Variants in MAF observed in about 807,000 individuals in gnomAD.
MAF encodes the protein transcription factor Maf.
In MAF, 10 loss-of-function variants were observed where a neutral mutation model predicts 22.0. The observed-to-expected ratio is 0.45, with a 90% CI of 0.28 to 0.77. MAF has a LOEUF of 0.77. Ranked by LOEUF, MAF falls within the 30% of genes least tolerant of loss-of-function variation. The pLI is 0.12. For missense variants in MAF, 544 were observed against 548.4 expected (o/e 0.99, Z 0.08); for synonymous variants, 337 against 255.8 (o/e 1.32, Z -3.03).
At chr16:79,340,444 T>A in the MAF span, among the ~76,000 whole-genome samples, 2 of 150,894 alleles carry the variant, frequency 1.3e-5, no homozygotes, top group African/African-American at 2.4e-5. Flanking sequence ...TCCCAGTGCC[T>A]GGCACTGGGA....
the MAF span, among the ~76,000 whole-genome samples, chr16:79,432,604 C>G: frequency 6.6e-6 from 1 of 152,088 alleles, no homozygotes; most frequent in African/African-American, 2.4e-5. Context: ...AAGGGGGGAA[C>G]ATTGTATTTC....
At chr16:79,332,020 A>C in the MAF span, among the ~76,000 whole-genome samples, 18 of 152,348 alleles carry the variant, frequency 1.2e-4, no homozygotes, top group South Asian at 3.7e-3. Context: ...TGACTTTAGA[A>C]CATCTGCTCT....
the MAF span, among the ~76,000 whole-genome samples, chr16:79,322,120 T>G: frequency 2.6e-5 from 4 of 152,158 alleles, no homozygotes; most frequent in Non-Finnish European, 5.9e-5. Flanking sequence ...TAATCCCAGC[T>G]ACTCAGGAGG....
the MAF span, among the ~76,000 whole-genome samples, chr16:79,511,385 C>G: frequency 0.021 from 3,164 of 152,188 alleles, 95 homozygotes; most frequent in African/African-American, 0.071. Context: ...GAATGGTTTA[C>G]TTATATGAGA....
chr16:79,229,692 G>C, the MAF span, among the ~76,000 whole-genome samples: 2 of 151,066 alleles, frequency 1.3e-5, no homozygotes, highest in African/African-American at 4.8e-5. Flanking sequence ...CACGGGGCTG[G>C]CTCCTCGTTG....
chr16:79,568,476 T>C, the MAF span, among the ~76,000 whole-genome samples: 1 of 152,160 alleles, frequency 6.6e-6, no homozygotes, highest in Non-Finnish European at 1.5e-5. Context: ...AGTCTGAAGG[T>C]CTTTTATCTT....
At chr16:79,319,896 G>T in the MAF span, among the ~76,000 whole-genome samples, 10 of 152,338 alleles carry the variant, frequency 6.6e-5, no homozygotes, top group East Asian at 1.5e-3. Flanking sequence ...GTTTGATCAG[G>T]ATGGTTGGAG....
chr16:79,353,873 C>A, the MAF span, among the ~76,000 whole-genome samples: 5 of 152,162 alleles, frequency 3.3e-5, no homozygotes, highest in Non-Finnish European at 7.3e-5. Context: ...ACCTAAAGCC[C>A]TCCTTCAGTG....
chr16:79,586,912 A>T (rs1053778292), intron 1 of MAF, among the ~76,000 whole-genome samples: 2 of 152,378 alleles, frequency 1.3e-5, no homozygotes, highest in East Asian at 1.9e-4. Context: ...TCTTTTTCCA[A>T]CATGGATATT....
chr16:79,401,589 A>G, the MAF span, among the ~76,000 whole-genome samples: 4 of 152,182 alleles, frequency 2.6e-5, no homozygotes, highest in African/African-American at 9.7e-5. Context: ...ATTAGTGGAA[A>G]TGTACTCATG....
the MAF span, among the ~76,000 whole-genome samples, chr16:79,242,913 A>G: frequency 6.6e-6 from 1 of 152,096 alleles, no homozygotes; most frequent in Admixed American, 6.6e-5. Flanking sequence ...AAACCACACA[A>G]CTACATGGAA....
the MAF span, among the ~76,000 whole-genome samples, chr16:79,395,947 G>GC: frequency 1.3e-5 from 2 of 151,936 alleles, no homozygotes; most frequent in East Asian, 1.9e-4. Flanking sequence ...GTGGCAAATG[G>GC]CCCCCCCGGT....
chr16:79,221,655 G>C, the MAF span, among the ~76,000 whole-genome samples: 1 of 152,156 alleles, frequency 6.6e-6, no homozygotes, highest in Non-Finnish European at 1.5e-5. Flanking sequence ...CATCTGGACA[G>C]CTGATAAGAG....
chr16:79,551,791 A>G, the MAF span, among the ~76,000 whole-genome samples: 1 of 152,196 alleles, frequency 6.6e-6, no homozygotes, highest in Non-Finnish European at 1.5e-5. Flanking sequence ...TCTATCATCC[A>G]CGGATGCTTC....
chr16:79,309,057 T>C, the MAF span, among the ~76,000 whole-genome samples: 3 of 152,150 alleles, frequency 2.0e-5, no homozygotes, highest in African/African-American at 7.2e-5. Context: ...GGCTCTAATC[T>C]GGCCCTGGGC....
chr16:79,333,639 G>T, the MAF span, among the ~76,000 whole-genome samples: 4 of 152,212 alleles, frequency 2.6e-5, no homozygotes, highest in Non-Finnish European at 5.9e-5. Context: ...TATGCGTAAT[G>T]ATGAGAATAA....
the MAF span, among the ~76,000 whole-genome samples, chr16:79,566,213 C>T: frequency 6.6e-6 from 1 of 152,166 alleles, no homozygotes. Context: ...ATTGCCAACA[C>T]TCTGCCATTA....
At chr16:79,281,070 G>C in the MAF span, among the ~76,000 whole-genome samples, 8 of 152,160 alleles carry the variant, frequency 5.3e-5, no homozygotes, top group Non-Finnish European at 1.0e-4. Context: ...AAAAAGAGCA[G>C]AGAGGAAGAG....
chr16:79,374,658 G>C, the MAF span, among the ~76,000 whole-genome samples: 1 of 152,230 alleles, frequency 6.6e-6, no homozygotes, highest in Non-Finnish European at 1.5e-5. Flanking sequence ...TCCCAGGGGA[G>C]ACAGGTGCGT....
Sources: allele counts gnomAD v4.1 joint callset (sites outside exome capture counted in the v4.1 genomes callset), GRCh38; gene constraint gnomAD v4.1.1; transcripts MANE v1.5; gene names NCBI Gene and HGNC (gene_info 2026-07-23, HGNC 2026-07-21).